Variants in SATB1 observed in about 807,000 individuals in gnomAD.
SATB1 encodes SATB homeobox 1, also known as DNA-binding protein SATB1.
A neutral mutation model predicts 86.9 loss-of-function variants in SATB1; 11 were observed. That is an observed-to-expected ratio of 0.13 (90% confidence interval 0.08 to 0.21). SATB1 has a LOEUF of 0.21. SATB1 is among the 10% of genes least tolerant of loss of function. The pLI is 1.00. For missense variants in SATB1, 551 were observed against 937.6 expected (o/e 0.59, Z 5.39); for synonymous variants, 357 against 357.2 (o/e 1.00, Z 0.01).
intron 2 of SATB1, among the ~76,000 whole-genome samples, chr3:18,433,688 T>C (rs1028108236): frequency 2.0e-5 from 3 of 152,086 alleles, no homozygotes; most frequent in African/African-American, 7.2e-5. Context: ...TACAAACATA[T>C]ATTTATTATG....
chr3:18,351,607 C>T (rs62238530), intron 10 of SATB1: 6,432 of 550,882 alleles, frequency 0.012, 59 homozygotes, highest in African/African-American at 0.025. Context: ...ACAGCAACAG[C>T]GGTTGCTCTT....
At chr3:18,399,031 G>C (rs1427561335) in intron 5 of SATB1, among the ~76,000 whole-genome samples, 5 of 152,160 alleles carry the variant, frequency 3.3e-5, no homozygotes, top group African/African-American at 9.7e-5. Flanking sequence ...GATGACAGTT[G>C]ATGTTCTTCC....
intron 5 of SATB1, among the ~76,000 whole-genome samples, chr3:18,398,789 T>C (rs1392680122): frequency 3.9e-5 from 6 of 152,180 alleles, no homozygotes; most frequent in Admixed American, 6.5e-5. Context: ...ACATTCTTAA[T>C]GTGTTCATGA....
intron 5 of SATB1, among the ~76,000 whole-genome samples, chr3:18,407,803 A>G (rs189520626): frequency 3.5e-4 from 53 of 152,044 alleles, no homozygotes; most frequent in South Asian, 8.3e-4. Flanking sequence ...AGTCCCATTA[A>G]AAAGTAAAAA....
intron 9 of SATB1, among the ~76,000 whole-genome samples, chr3:18,357,145 C>A (rs190569256): frequency 1.3e-5 from 2 of 151,666 alleles, no homozygotes; most frequent in African/African-American, 4.8e-5. Flanking sequence ...ATTTATTCCC[C>A]CTCACCCTCA....
chr3:18,361,718 A>G (rs1295828437), intron 9 of SATB1, among the ~76,000 whole-genome samples: 1 of 152,206 alleles, frequency 6.6e-6, no homozygotes, highest in Non-Finnish European at 1.5e-5. Context: ...GGAAATAAGG[A>G]TATGTACAAA....
intron 9 of SATB1, among the ~76,000 whole-genome samples, chr3:18,377,115 G>A (rs960764902): frequency 6.6e-6 from 1 of 151,932 alleles, no homozygotes; most frequent in Non-Finnish European, 1.5e-5. Context: ...ATGTCGATAG[G>A]GTAAAAGTTT....
chr3:18,360,662 A>T (rs555762965), intron 9 of SATB1, among the ~76,000 whole-genome samples: 24 of 152,200 alleles, frequency 1.6e-4, no homozygotes, highest in African/African-American at 5.5e-4. Flanking sequence ...GAGCCTCAAG[A>T]TTCTTCCTCT....
At position 18,348,172 on chromosome 3, in the gene SATB1, AATT is replaced by A. The variant is rs1694154548; in HGVS notation, c.*995_*997del. 2.0e-5 allele frequency: 3 copies of A among 152,626 alleles called. No homozygotes were observed. Among genetic ancestry groups the A allele is most frequent in the African/African-American group, 7.2e-5 (3 of 41,462 alleles). 9.5% of individuals were successfully genotyped at this position (152,626 alleles called of 1,614,324 possible). A position where few individuals can be genotyped will look rare whatever the true frequency, so the allele number is the denominator to read the frequency against. Reference sequence around the variant, plus strand: ...CAAAGGAAGACACATTGCAAACATCAATTATTTTCACATTAATTGCATAATTTT... The same window carrying A: ...CAAAGGAAGACACATTGCAAACATCAATTTTCACATTAATTGCATAATTTT... On this transcript the variant is annotated 3_prime_UTR_variant, in exon 11 of 11. Coordinates refer to ENST00000338745, the MANE Select transcript of SATB1 (RefSeq NM_002971.6).
chr3:18,386,919 G>T lies in SATB1; in HGVS notation c.1207-308C>A, dbSNP rs903263537. The stretch of plus-strand genomic sequence containing the variant: ...CGATCCAGGGAAGTTAAGAATAAAC[G>T]AAATCCTTATAATGCAACAGCACTG... On this transcript the variant is annotated intron_variant, in intron 7 of 10. Transcript: ENST00000338745. The surrounding 1 kb of genome is among the most constrained non-coding windows in gnomAD (Gnocchi z 4.5). Among the ~76,000 whole-genome samples, 4 of 152,142 alleles carry T rather than the reference G, an allele frequency of 2.6e-5. No homozygotes were observed. Among genetic ancestry groups the T allele is most frequent in the Admixed American group, 2.6e-4 (4 of 15,278 alleles).
chr3:18,403,625 A>C (rs2125133493), intron 5 of SATB1, among the ~76,000 whole-genome samples: 1 of 152,200 alleles, frequency 6.6e-6, no homozygotes, highest in East Asian at 1.9e-4. Flanking sequence ...TTCTGAAATA[A>C]ATGCCTGCAC....
chr3:18,374,876 T>C (rs1695666069), intron 9 of SATB1, among the ~76,000 whole-genome samples: 1 of 152,238 alleles, frequency 6.6e-6, no homozygotes, highest in Non-Finnish European at 1.5e-5. Context: ...TATAGTGCTA[T>C]ATAATTTAAA....
rs774743723 is a variant in SATB1, at chr3:18,349,587, G to T, written c.1875C>A (p.Pro625=). ...QQQPQTGPRL[P]PRQPTVASPA... is the part of the protein sequence containing the mutation. ...GAGAGGCCACCGTGGGTTGCCGTGG[G>T]GGGAGCCGAGGGCCTGTCTGTGGCT... is the stretch of plus-strand genomic sequence containing the variant. The change falls in exon 11 of 11, where the codon CCC becomes CCA. Residue 625 remains proline, a synonymous_variant. Transcript: ENST00000338745. The surrounding 1 kb of genome is among the most constrained non-coding windows in gnomAD (Gnocchi z 5.5). 3 of 1,613,556 alleles carry T rather than the reference G, an allele frequency of 1.9e-6. No individual in the cohort carries two copies. Among genetic ancestry groups the T allele is most frequent in the East Asian group, 2.2e-5 (1 of 44,890 alleles).
At chr3:18,405,646 C>CT (rs975170501) in intron 5 of SATB1, among the ~76,000 whole-genome samples, 1 of 151,852 alleles carries the variant, frequency 6.6e-6, no homozygotes, top group African/African-American at 2.4e-5. Flanking sequence ...TTTACAGGGC[C>CT]ACAGAACTAA....
intron 9 of SATB1, among the ~76,000 whole-genome samples, chr3:18,365,446 C>T (rs11925800): frequency 0.42 from 61,237 of 146,330 alleles, 12,740 homozygotes; most frequent in East Asian, 0.56. Flanking sequence ...ATTGGATGTG[C>T]GGGTGGGTAG....
rs759934751 is a variant in SATB1 at position 18,349,640 on chromosome 3, C to CCTG, written c.1819_1821dup (p.Gln607dup). 4,416 of 1,609,650 alleles carry CCTG rather than the reference C, an allele frequency of 2.7e-3. 6 individuals carry two copies. The highest frequency in any genetic ancestry group is 3.3e-3 in the Non-Finnish European group (3,919 of 1,178,140). ...TGCTGTGGCTGTGGAGGCGGCGGTG[C>CCTG]CTGCTGCTGCTGCTGCTGCTGTTGC... On this transcript the variant is annotated inframe_insertion, in exon 11 of 11. Transcript: ENST00000338745. This position sits in a 1 kb window ranked among gnomAD's most constrained non-coding sequence, Gnocchi z 5.5.
intron 9 of SATB1, among the ~76,000 whole-genome samples, chr3:18,363,118 AAATATTCCCTCTATGATGTTTT>A (rs1205110182): frequency 2.6e-5 from 4 of 152,150 alleles, no homozygotes; most frequent in Admixed American, 2.6e-4. Flanking sequence ...TTAAAAATTT[AAATATTCCCTCTATGATGTTTT>A]AGGAGAGATA....
At chr3:18,384,041 G>A (rs1349782700) in intron 8 of SATB1, among the ~76,000 whole-genome samples, 1 of 152,064 alleles carries the variant, frequency 6.6e-6, no homozygotes, top group Non-Finnish European at 1.5e-5. Flanking sequence ...TGTTTTATTT[G>A]AAAGAGTTTC....
In SATB1 at chr3:18,416,982, T is replaced by C; in HGVS notation, c.308A>G (p.Lys103Arg). Reference sequence around the variant, plus strand: ...GATCAGCTGGTTGAAAAGCATATCCTTTCTCACCAGCACAAATTCTGCATG... The same window carrying C: ...GATCAGCTGGTTGAAAAGCATATCCCTTCTCACCAGCACAAATTCTGCATG... The part of the protein sequence containing the change: ...EEHAEFVLVR[K>R]DMLFNQLIEM... Residue 103 changes from lysine to arginine, a missense_variant, in exon 3 of 11, where the codon AAG (lysine) becomes AGG (arginine). This residue lies in a region of SATB1 where 153 missense variants were observed against 258.1 expected (regional missense o/e 0.59). Transcript: ENST00000338745. 1 of 1,613,724 alleles carries C rather than the reference T, an allele frequency of 6.2e-7. No individual in the cohort carries two copies. Among genetic ancestry groups the C allele is most frequent in the South Asian group, 1.1e-5 (1 of 91,072 alleles).
Sources: gnomAD v4.1 joint callset for allele counts (sites outside exome capture counted in the v4.1 genomes callset) on GRCh38, gnomAD v4.1.1 for gene constraint, gnomAD v4.1.1 regional missense constraint, Gnocchi (gnomAD v3.1) non-coding constraint, MANE v1.5 for transcripts, NCBI Gene and HGNC (gene_info 2026-07-23, HGNC 2026-07-21) for gene names.